Variants in GCNT2 observed in about 807,000 individuals in gnomAD.
GCNT2 encodes the protein N-acetyllactosaminide beta-1,6-N-acetylglucosaminyl-transferase.
In GCNT2, 34 loss-of-function variants were observed where a neutral mutation model predicts 34.2. The ratio of observed to expected loss-of-function variants is 1.00; its 90% CI spans 0.76 to 1.32. GCNT2 has a LOEUF of 1.32. Ranked by LOEUF, GCNT2 falls within the 40% of genes most tolerant of loss-of-function variation. The pLI is 0.00. For missense variants in GCNT2, 584 were observed against 489.4 expected, an observed-to-expected ratio of 1.19 and a Z score of -1.82; for synonymous variants, 212 against 188.0, an observed-to-expected ratio of 1.13 and a Z score of -1.04.
intron 3 of GCNT2, among the ~76,000 whole-genome samples, chr6:10,582,431 A>G (rs1403880571): frequency 7.9e-6 from 1 of 125,818 alleles, no homozygotes; most frequent in Non-Finnish European, 1.6e-5. Context: ...ATATACTATA[A>G]TTTAATATTT....
chr6:10,614,825 C>T (rs879571188), intron 3 of GCNT2, among the ~76,000 whole-genome samples: 3 of 152,098 alleles, frequency 2.0e-5, no homozygotes, highest in Admixed American at 2.0e-4. Context: ...TGGGGCCACC[C>T]TTGCATTGGG....
At chr6:10,521,831 C>T (rs1181934541) in intron 1 of GCNT2, among the ~76,000 whole-genome samples, 1 of 151,876 alleles carries the variant, frequency 6.6e-6, no homozygotes. Context: ...GTTTATGTTT[C>T]TCAGTTCCTT....
intron 3 of GCNT2, among the ~76,000 whole-genome samples, chr6:10,548,435 A>G (rs1182743039): frequency 6.6e-6 from 1 of 152,188 alleles, no homozygotes; most frequent in Admixed American, 6.5e-5. Flanking sequence ...AGCCATTGCT[A>G]CCTGAGTGAT....
intron 3 of GCNT2, among the ~76,000 whole-genome samples, chr6:10,559,072 C>CTT (rs55637072): frequency 1.0e-3 from 124 of 122,502 alleles, no homozygotes; most frequent in East Asian, 3.4e-3. Flanking sequence ...TAAATTGTTG[C>CTT]TTTTTTTTTT....
At chr6:10,589,507 G>A (rs970329677) in intron 3 of GCNT2, among the ~76,000 whole-genome samples, 2 of 152,018 alleles carry the variant, frequency 1.3e-5, no homozygotes, top group Admixed American at 6.6e-5. Flanking sequence ...TGTCCTTTCT[G>A]GAAAGGATCC....
Position 10,585,926 on chromosome 6 carries a change from T to G in GCNT2, c.926-35425T>G, listed in dbSNP as rs1764321395. On this transcript the variant is annotated intron_variant, in intron 3 of 4. Coordinates refer to ENST00000495262, the MANE Select transcript of GCNT2 (RefSeq NM_145649.5). ...ACTGGCAAGAGAAGCAAATTCAACCTCTCACACCGATCATTTCTCATTCCC... is the reference window on the plus strand; with the variant it reads ...ACTGGCAAGAGAAGCAAATTCAACCGCTCACACCGATCATTTCTCATTCCC... The G allele has an allele frequency of 1.9e-6, 3 of 1,605,186 alleles. No individual in the cohort carries two copies. The Admixed American group carries it at 5.0e-5, about 27-fold the overall frequency.
At chr6:10,552,240 T>A (rs1762517020) in intron 3 of GCNT2, among the ~76,000 whole-genome samples, 1 of 151,962 alleles carries the variant, frequency 6.6e-6, no homozygotes, top group African/African-American at 2.4e-5. Flanking sequence ...TTGTTTTAGT[T>A]AAAGATGTGC....
chr6:10,584,033 G>A (rs574157334), intron 3 of GCNT2, among the ~76,000 whole-genome samples: 12 of 152,250 alleles, frequency 7.9e-5, no homozygotes, highest in Middle Eastern at 3.4e-3. Context: ...TACAGAGGAA[G>A]AAAAGTGGGC....
At chr6:10,556,852 C>T in intron 3 of GCNT2, 1 of 1,614,094 alleles carries the variant, frequency 6.2e-7, no homozygotes, top group South Asian at 1.1e-5. Flanking sequence ...AACTATTAAG[C>T]TGCTTCCCAA....
At chr6:10,524,907 TTTA>T (rs1761115200) in intron 1 of GCNT2, among the ~76,000 whole-genome samples, 1 of 147,366 alleles carries the variant, frequency 6.8e-6, no homozygotes, top group Non-Finnish European at 1.5e-5. Context: ...TAAAAACCAG[TTTA>T]ATCCAAGCTG....
chr6:10,570,749 G>C (rs1763520954), intron 3 of GCNT2, among the ~76,000 whole-genome samples: 1 of 152,284 alleles, frequency 6.6e-6, no homozygotes, highest in East Asian at 1.9e-4. Flanking sequence ...TGTCCTATGT[G>C]AAAACTACTG....
intron 3 of GCNT2, among the ~76,000 whole-genome samples, chr6:10,532,901 G>T (rs1261130435): frequency 3.6e-5 from 5 of 139,812 alleles, no homozygotes; most frequent in Non-Finnish European, 7.6e-5. Context: ...ATGTGTATAT[G>T]TTGTGGTTTT....
At chr6:10,608,141 G>A (rs572801838) in intron 3 of GCNT2, among the ~76,000 whole-genome samples, 3 of 146,694 alleles carry the variant, frequency 2.0e-5, no homozygotes, top group South Asian at 2.1e-4. Flanking sequence ...GCAGTGGCAC[G>A]ATCTCGGCTC....
rs1723729749 is a variant in GCNT2, at chr6:10,528,706, G to C, written c.-206G>C. ...CACTTCAGAAATGTGTCACAGAAAA[G>C]TGAAAATGCAACCTAGTGGTAAGTG... On this transcript the variant is annotated 5_prime_UTR_variant, in exon 3 of 5. Transcript: ENST00000495262. The C allele has an allele frequency of 1.6e-6, 1 of 607,388 alleles. No homozygotes were observed. Among genetic ancestry groups the C allele is most frequent in the Non-Finnish European group, 2.9e-6 (1 of 343,400 alleles). 37.6% of individuals were successfully genotyped at this position (607,388 alleles called of 1,614,324 possible).
At chr6:10,590,003 C>G (rs550313129) in intron 3 of GCNT2, among the ~76,000 whole-genome samples, 77 of 152,232 alleles carry the variant, frequency 5.1e-4, no homozygotes, top group African/African-American at 1.7e-3. Context: ...GACCTTTGCC[C>G]CACAGCATCC....
At chr6:10,523,929 C>G (rs776976953) in intron 1 of GCNT2, among the ~76,000 whole-genome samples, 2 of 145,440 alleles carry the variant, frequency 1.4e-5, no homozygotes, top group African/African-American at 5.1e-5. Flanking sequence ...GCCGAGATCG[C>G]GCCACTGCAC....
chr6:10,584,291 C>G (rs1764245110), intron 3 of GCNT2, among the ~76,000 whole-genome samples: 1 of 152,190 alleles, frequency 6.6e-6, no homozygotes, highest in Non-Finnish European at 1.5e-5. Flanking sequence ...TTATATTTAA[C>G]TTTACATAAA....
chr6:10,576,831 T>C (rs1398023132), intron 3 of GCNT2, among the ~76,000 whole-genome samples: 2 of 152,072 alleles, frequency 1.3e-5, no homozygotes, highest in Non-Finnish European at 2.9e-5. Context: ...CCCATCACTT[T>C]AGGAGGCCGA....
At chr6:10,565,383 A>C (rs542350717) in intron 3 of GCNT2, among the ~76,000 whole-genome samples, 1 of 151,860 alleles carries the variant, frequency 6.6e-6, no homozygotes, top group African/African-American at 2.4e-5. Context: ...TGGTGGGATC[A>C]AGGGAAAGCA....
Sources: gnomAD v4.1 joint callset for allele counts (sites outside exome capture counted in the v4.1 genomes callset) on GRCh38, gnomAD v4.1.1 for gene constraint, MANE v1.5 for transcripts, NCBI Gene and HGNC (gene_info 2026-07-23, HGNC 2026-07-21) for gene names.